The following ARHGAP15 variants were observed in gnomAD, a reference collection of about 807,000 sequenced individuals.
ARHGAP15 encodes the protein rho GTPase-activating protein 15.
A neutral mutation model predicts 63.7 loss-of-function variants in ARHGAP15; 51 were observed. That is an observed-to-expected ratio of 0.80 (90% confidence interval 0.64 to 1.01). ARHGAP15 has a LOEUF of 1.01. Ranked by LOEUF, ARHGAP15 falls within the 50% of genes least tolerant of loss-of-function variation. ARHGAP15 has a pLI of 0.00. For missense variants in ARHGAP15, 560 were observed against 564.6 expected, an observed-to-expected ratio of 0.99 and a Z score of 0.08; for synonymous variants, 191 against 193.8, an observed-to-expected ratio of 0.99 and a Z score of 0.12.
At chr2:143,236,172 A>G in intron 5 of ARHGAP15, 1 of 539,182 alleles carries the variant, frequency 1.9e-6, no homozygotes, top group Non-Finnish European at 3.1e-6. Flanking sequence ...GGGCAACAGA[A>G]ATATTCAAAT....
chr2:143,166,871 T>A (rs1053692743), intron 2 of ARHGAP15, among the ~76,000 whole-genome samples: 2 of 152,136 alleles, frequency 1.3e-5, no homozygotes, highest in East Asian at 3.9e-4. Context: ...CTTTCTTTGG[T>A]AACAAGTCAA....
intron 9 of ARHGAP15, among the ~76,000 whole-genome samples, chr2:143,508,330 C>T (rs1693415434): frequency 6.6e-6 from 1 of 152,216 alleles, no homozygotes; most frequent in Non-Finnish European, 1.5e-5. Context: ...GCCTGAGATG[C>T]CTTCCCTGGC....
chr2:143,668,371 T>C (rs1682344854), intron 12 of ARHGAP15, among the ~76,000 whole-genome samples: 1 of 152,192 alleles, frequency 6.6e-6, no homozygotes, highest in African/African-American at 2.4e-5. Context: ...GGCTAATGAA[T>C]TGTTCATCTG....
At chr2:143,622,233 A>G (rs763034998) in intron 11 of ARHGAP15, among the ~76,000 whole-genome samples, 10 of 152,196 alleles carry the variant, frequency 6.6e-5, no homozygotes, top group Non-Finnish European at 1.3e-4. Context: ...AAGAATTGGT[A>G]CCATGGGAAG....
chr2:143,194,901 T>C (rs1691829218), intron 2 of ARHGAP15, among the ~76,000 whole-genome samples: 1 of 152,192 alleles, frequency 6.6e-6, no homozygotes, highest in Admixed American at 6.5e-5. Context: ...AGAAAGAATA[T>C]TAAGGAGTTA....
chr2:143,216,523 T>A, intron 4 of ARHGAP15, 78 bp downstream of exon 4: 1 of 1,085,146 alleles, frequency 9.2e-7, no homozygotes, highest in Non-Finnish European at 1.4e-6. Flanking sequence ...TGTTATTGTT[T>A]GGGATGCAAG....
chr2:143,263,416 T>A (rs1680829433), intron 6 of ARHGAP15, among the ~76,000 whole-genome samples: 1 of 152,158 alleles, frequency 6.6e-6, no homozygotes, highest in Admixed American at 6.5e-5. Flanking sequence ...ACCTGGTTTG[T>A]CCTGAAGGGG....
Position 143,271,632 on chromosome 2 carries a change from C to T in ARHGAP15, c.474+21032C>T, listed in dbSNP as rs577538195. ...CTGGGACCACAGGTGCCTGCCACCTCGCCCGGCTAATTTTTTTGTAACTTT... is the reference window on the plus strand; with the variant it reads ...CTGGGACCACAGGTGCCTGCCACCTTGCCCGGCTAATTTTTTTGTAACTTT... On this transcript the variant is annotated intron_variant, in intron 6 of 13. Coordinates refer to ENST00000295095, the MANE Select transcript of ARHGAP15 (RefSeq NM_018460.4). Among the ~76,000 whole-genome samples the T allele has an allele frequency of 3.2e-3, 493 of 152,318 alleles. 3 individuals are homozygous for T. Among genetic ancestry groups the T allele is most frequent in the African/African-American group, 0.011 (444 of 41,574 alleles).
At chr2:143,557,740 T>C (rs933041956) in intron 11 of ARHGAP15, among the ~76,000 whole-genome samples, 1 of 152,134 alleles carries the variant, frequency 6.6e-6, no homozygotes, top group Non-Finnish European at 1.5e-5. Flanking sequence ...ATGTTAACTC[T>C]CTGTACTTTC....
chr2:143,638,223 T>A (rs546293964), intron 12 of ARHGAP15, among the ~76,000 whole-genome samples: 6 of 143,852 alleles, frequency 4.2e-5, no homozygotes, highest in African/African-American at 1.5e-4. Flanking sequence ...GCGGCACTAT[T>A]CACGATAGCA....
chr2:143,513,280 G>T (rs1574558814), intron 9 of ARHGAP15, among the ~76,000 whole-genome samples: 1 of 152,198 alleles, frequency 6.6e-6, no homozygotes, highest in East Asian at 1.9e-4. Context: ...CCAGTAAGTG[G>T]CAGTAATGTA....
intron 6 of ARHGAP15, among the ~76,000 whole-genome samples, chr2:143,294,223 C>A (rs1682533876): frequency 6.6e-6 from 1 of 152,026 alleles, no homozygotes; most frequent in South Asian, 2.1e-4. Context: ...GCAAGCGTAA[C>A]CTAATGTTCT....
intron 6 of ARHGAP15, among the ~76,000 whole-genome samples, chr2:143,376,224 CAG>C (rs1330523383): frequency 1.3e-5 from 2 of 152,134 alleles, no homozygotes; most frequent in Non-Finnish European, 2.9e-5. Context: ...GATAGAAAAG[CAG>C]AGAGATTTTT....
At chr2:143,452,657 A>ATTTTTTTTTTTT (rs377089210) in intron 8 of ARHGAP15, among the ~76,000 whole-genome samples, 2 of 137,024 alleles carry the variant, frequency 1.5e-5, no homozygotes, top group Admixed American at 7.4e-5. Flanking sequence ...GCCCCTTTGG[A>ATTTTTTTTTTTT]TTTTTTTTTT....
chr2:143,729,677 C>T (rs1685442165), intron 13 of ARHGAP15, among the ~76,000 whole-genome samples: 1 of 152,130 alleles, frequency 6.6e-6, no homozygotes, highest in Non-Finnish European at 1.5e-5. Context: ...AAGGCATTCT[C>T]AAAATGAATT....
At position 143,436,913 on chromosome 2, in the gene ARHGAP15, C is replaced by A. The variant is rs780541707; in HGVS notation, c.574C>A (p.Pro192Thr). The change falls in exon 8 of 14, where the codon CCA (proline) becomes ACA (threonine). Residue 192 changes from proline (P) to threonine (T), a missense_variant and splice_region_variant. Pro to Thr is a conservative substitution (Grantham distance 38). Transcript: ENST00000295095. ...HAIKNAIDRL[P>T]KDSSCPSRNL... is the part of the protein sequence containing the mutation. ...CAGTCTAATTATTTGCTGTTTCCAGCCAAAGGATTCAAGTTGTCCATCAAG... is the reference window on the plus strand; with the variant it reads ...CAGTCTAATTATTTGCTGTTTCCAGACAAAGGATTCAAGTTGTCCATCAAG... The A allele has an allele frequency of 6.2e-6, 10 of 1,606,990 alleles. No homozygotes were observed. The East Asian group carries it at 1.6e-4, about 25-fold the overall frequency.
intron 13 of ARHGAP15, among the ~76,000 whole-genome samples, chr2:143,761,958 A>G (rs1322245663): frequency 6.6e-6 from 1 of 152,154 alleles, no homozygotes; most frequent in Non-Finnish European, 1.5e-5. Flanking sequence ...TGGTATAAGA[A>G]ATGCTTTTAC....
intron 6 of ARHGAP15, among the ~76,000 whole-genome samples, chr2:143,309,726 G>A (rs927836352): frequency 7.9e-5 from 12 of 151,946 alleles, no homozygotes; most frequent in Admixed American, 7.9e-4. Context: ...TTTGTTGTGG[G>A]GGCTGTCCTG....
chr2:143,564,233 A>C (rs1696136609), intron 11 of ARHGAP15: 1 of 152,210 alleles, frequency 6.6e-6, no homozygotes, highest in Non-Finnish European at 1.5e-5. Context: ...AATCCCATGT[A>C]ACATAATCAT....
Sources: gnomAD v4.1 joint callset for allele counts (sites outside exome capture counted in the v4.1 genomes callset) on GRCh38, gnomAD v4.1.1 for gene constraint, MANE v1.5 for transcripts, NCBI Gene and HGNC (gene_info 2026-07-23, HGNC 2026-07-21) for gene names.